Variants in PDE8B observed in about 807,000 individuals in gnomAD.
PDE8B encodes the protein phosphodiesterase 8B, also known as high affinity cAMP-specific and IBMX-insensitive 3',5'-cyclic phosphodiesterase 8B.
PDE8B carries 26 observed loss-of-function variants against 101.3 expected under a neutral mutation model. That is an observed-to-expected ratio of 0.26 (90% CI 0.19 to 0.36). The LOEUF is 0.36. Ranked by LOEUF, PDE8B falls within the 10% of genes least tolerant of loss-of-function variation. The pLI, the probability that PDE8B is intolerant of heterozygous loss-of-function variation, is 1.00. For synonymous variants in PDE8B, 424 were observed against 429.3 expected, an observed-to-expected ratio of 0.99 and a Z score of 0.15; for missense variants, 810 against 1,163.1, an observed-to-expected ratio of 0.70 and a Z score of 4.42.
At chr5:77,087,406 A>G in the PDE8B span, 4 of 152,216 alleles carry the variant, frequency 2.6e-5, no homozygotes, top group Non-Finnish European at 5.9e-5. Context: ...AAATGTAACT[A>G]TTGTTTTACA....
chr5:77,185,654 G>C, the PDE8B span, among the ~76,000 whole-genome samples: 1 of 152,034 alleles, frequency 6.6e-6, no homozygotes, highest in Non-Finnish European at 1.5e-5. Flanking sequence ...TCATTGGAGG[G>C]GGCCTGTAGG....
intron 1 of PDE8B, among the ~76,000 whole-genome samples, chr5:77,301,023 C>T (rs1176848320): frequency 6.6e-6 from 1 of 152,204 alleles, no homozygotes; most frequent in African/African-American, 2.4e-5. Flanking sequence ...GGATTCATTA[C>T]CCCTGGGGCC....
At chr5:77,262,112 C>T (rs533525000) in intron 1 of PDE8B, among the ~76,000 whole-genome samples, 34 of 152,044 alleles carry the variant, frequency 2.2e-4, no homozygotes, top group Admixed American at 1.5e-3. Flanking sequence ...TAACAGTATA[C>T]TTCATATGTA....
At chr5:77,170,324 C>T in the PDE8B span, among the ~76,000 whole-genome samples, 2 of 152,130 alleles carry the variant, frequency 1.3e-5, no homozygotes, top group Admixed American at 6.5e-5. Flanking sequence ...CAAAAGTGAA[C>T]AAGACTGGGT....
At chr5:77,224,151 C>G (rs1751828580) in intron 1 of PDE8B, among the ~76,000 whole-genome samples, 1 of 152,130 alleles carries the variant, frequency 6.6e-6, no homozygotes, top group South Asian at 2.1e-4. Context: ...TATGGCTTAG[C>G]TTCTTTAATT....
intron 1 of PDE8B, among the ~76,000 whole-genome samples, chr5:77,271,778 G>C (rs1762847964): frequency 6.6e-6 from 1 of 152,156 alleles, no homozygotes; most frequent in Non-Finnish European, 1.5e-5. Context: ...CTAGATGCTG[G>C]ATAGTCCTTA....
chr5:77,427,772 C>A lies in PDE8B; in HGVS notation c.*1218C>A, dbSNP rs1484062895. ...AAAGTCAGACTCGAGATTTTCCTTT[C>A]TCTTTTACCAGCTGATCCTTCCTAT... is the stretch of plus-strand genomic sequence containing the variant. On this transcript the variant is annotated 3_prime_UTR_variant, in exon 22 of 22. Coordinates refer to ENST00000264917, the MANE Select transcript of PDE8B (RefSeq NM_003719.5). 1 of 152,176 alleles carries A rather than the reference C, an allele frequency of 6.6e-6. No individual in the cohort carries two copies. The highest frequency in any genetic ancestry group is 1.5e-5 in the Non-Finnish European group (1 of 68,022). 9.4% of individuals were successfully genotyped at this position (152,176 alleles called of 1,614,324 possible).
At chr5:77,131,676 A>T in the PDE8B span, among the ~76,000 whole-genome samples, 27 of 152,348 alleles carry the variant, frequency 1.8e-4, no homozygotes, top group East Asian at 5.2e-3. Flanking sequence ...AAAATTTATG[A>T]TATGAATTGG....
At chr5:77,128,142 C>T in the PDE8B span, among the ~76,000 whole-genome samples, 44,643 of 152,058 alleles carry the variant, frequency 0.29, 6,844 homozygotes, top group Middle Eastern at 0.39. Context: ...TCCATATTGT[C>T]CAAGGACCAT....
chr5:77,277,633 A>G (rs1293992373), intron 1 of PDE8B, among the ~76,000 whole-genome samples: 1 of 152,116 alleles, frequency 6.6e-6, no homozygotes. Flanking sequence ...TCTAGTTTTT[A>G]TTATATCTTG....
chr5:77,388,677 C>G (rs1260401187), intron 10 of PDE8B, among the ~76,000 whole-genome samples: 1 of 152,172 alleles, frequency 6.6e-6, no homozygotes, highest in African/African-American at 2.4e-5. Context: ...CCACAGCTGC[C>G]CCTTCCCCAA....
intron 1 of PDE8B, among the ~76,000 whole-genome samples, chr5:77,264,470 T>A (rs1303927203): frequency 6.6e-6 from 1 of 152,204 alleles, no homozygotes; most frequent in Non-Finnish European, 1.5e-5. Flanking sequence ...ATTTTCAGAA[T>A]GAAAGTGAGC....
the PDE8B span, among the ~76,000 whole-genome samples, chr5:77,181,168 AC>A: frequency 2.7e-5 from 4 of 145,848 alleles, no homozygotes; most frequent in African/African-American, 1.0e-4. Flanking sequence ...CGGAGCGTGG[AC>A]TAAACCACCC....
At chr5:77,131,812 C>A in the PDE8B span, among the ~76,000 whole-genome samples, 2 of 152,064 alleles carry the variant, frequency 1.3e-5, no homozygotes, top group East Asian at 1.9e-4. Context: ...AATTATACAA[C>A]CATGTAAACT....
At chr5:77,329,292 G>C (rs1776661627) in intron 4 of PDE8B, among the ~76,000 whole-genome samples, 1 of 152,138 alleles carries the variant, frequency 6.6e-6, no homozygotes, top group African/African-American at 2.4e-5. Flanking sequence ...ATACACCTCA[G>C]GGAGAAAGTT....
the PDE8B span, among the ~76,000 whole-genome samples, chr5:77,163,049 A>G: frequency 6.6e-6 from 1 of 152,240 alleles, no homozygotes; most frequent in Non-Finnish European, 1.5e-5. Flanking sequence ...GCGACATTAA[A>G]ATGATTTATG....
intron 10 of PDE8B, chr5:77,358,499 G>C: frequency 1.1e-6 from 1 of 941,298 alleles, no homozygotes; most frequent in Non-Finnish European, 1.3e-6. Context: ...ATGCCTCTTC[G>C]TACTTCCTCC....
At chr5:77,379,790 A>G (rs1787094100) in intron 10 of PDE8B, among the ~76,000 whole-genome samples, 1 of 152,222 alleles carries the variant, frequency 6.6e-6, no homozygotes, top group Non-Finnish European at 1.5e-5. Flanking sequence ...TTTCAAGAAA[A>G]TACTCATCAA....
At chr5:77,089,958 A>G in the PDE8B span, among the ~76,000 whole-genome samples, 3 of 152,254 alleles carry the variant, frequency 2.0e-5, no homozygotes, top group Non-Finnish European at 4.4e-5. Context: ...CTATTCAGCC[A>G]TAAAAAAGAA....
Sources: gnomAD v4.1 joint callset for allele counts (sites outside exome capture counted in the v4.1 genomes callset) on GRCh38, gnomAD v4.1.1 for gene constraint, MANE v1.5 for transcripts, NCBI Gene and HGNC (gene_info 2026-07-23, HGNC 2026-07-21) for gene names.